Variants in F13A1 observed in about 807,000 individuals in gnomAD.
The protein encoded by F13A1 is FSF, A subunit.
A neutral mutation model predicts 80.1 loss-of-function variants in F13A1; 47 were observed. The ratio of observed to expected loss-of-function variants is 0.59; its 90% CI spans 0.46 to 0.75. The LOEUF is 0.75. F13A1 is among the 30% of genes least tolerant of loss of function. F13A1 has a pLI of 0.00. For missense variants in F13A1, 817 were observed against 930.4 expected, an observed-to-expected ratio of 0.88 and a Z score of 1.59; for synonymous variants, 349 against 344.9, an observed-to-expected ratio of 1.01 and a Z score of -0.13.
chr6:6,190,157 C>G (rs1232719523), intron 10 of F13A1, among the ~76,000 whole-genome samples: 1 of 151,850 alleles, frequency 6.6e-6, no homozygotes, highest in African/African-American at 2.4e-5. Context: ...AACTTCTTTG[C>G]CTTTGGTTTG....
At chr6:6,263,258 C>T (rs1264684703) in intron 4 of F13A1, among the ~76,000 whole-genome samples, 8 of 152,210 alleles carry the variant, frequency 5.3e-5, no homozygotes, top group Admixed American at 3.9e-4. Context: ...CAGCCCATGA[C>T]CATCTCCCTG....
intron 3 of F13A1, among the ~76,000 whole-genome samples, chr6:6,267,311 T>A (rs1446369675): frequency 6.6e-6 from 1 of 152,200 alleles, no homozygotes; most frequent in Non-Finnish European, 1.5e-5. Context: ...TCACATATAC[T>A]TGTAAATCCA....
Position 6,162,527 on chromosome 6 carries a change from GT to G in F13A1, c.1908+4930del, listed in dbSNP as rs1317099945. 1.6e-4 allele frequency among the ~76,000 whole-genome samples: 25 copies of G among 152,138 alleles called. No homozygotes were observed. Among genetic ancestry groups the G allele is most frequent in the African/African-American group, 5.8e-4 (24 of 41,412 alleles). The stretch of plus-strand genomic sequence containing the variant: ...ATGACCACCTCTGCTTTTTGTGATA[GT>G]TCCATTGTAGCCCAGCGGCTGCCAG... On this transcript the variant is annotated intron_variant, in intron 13 of 14. Transcript: ENST00000264870. This position sits in a 1 kb window ranked among gnomAD's most constrained non-coding sequence, Gnocchi z 4.2.
At chr6:6,228,731 CAAAA>C (rs35068752) in intron 6 of F13A1, among the ~76,000 whole-genome samples, 1 of 72,682 alleles carries the variant, frequency 1.4e-5, no homozygotes, top group Admixed American at 1.7e-4. Flanking sequence ...GATCCTGTCT[CAAAA>C]AAAAAAAAAA....
chr6:6,165,598 C>CTCATA (rs1353166082), intron 13 of F13A1, among the ~76,000 whole-genome samples: 6 of 152,104 alleles, frequency 3.9e-5, no homozygotes, highest in Non-Finnish European at 8.8e-5. Flanking sequence ...GAAACCTGCG[C>CTCATA]AATAGCCCAG....
rs1034158148 is a variant in F13A1 at position 6,243,010 on chromosome 6, A to G, written c.798+5302T>C. Among the ~76,000 whole-genome samples, 2 of 152,158 alleles carry G rather than the reference A, an allele frequency of 1.3e-5. No individual in the cohort carries two copies. Among genetic ancestry groups the G allele is most frequent in the African/African-American group, 4.8e-5 (2 of 41,424 alleles). ...GTAAGCTTTGTGAAGGCAGAAACTT[A>G]ATTTTGTTCACAATTGTACTCCAGT... On this transcript the variant is annotated intron_variant, in intron 6 of 14. Coordinates refer to ENST00000264870, the MANE Select transcript of F13A1 (RefSeq NM_000129.4). The surrounding 1 kb of genome is among the most constrained non-coding windows in gnomAD (Gnocchi z 4.2).
rs144915238 is a variant in F13A1, at chr6:6,259,117, G to A, written c.571+7441C>T. On this transcript the variant is annotated intron_variant, in intron 4 of 14. Transcript: ENST00000264870. ...TTCTGAATGAATACATAATACTGTCGTACTGTGCACAGGTCATTGTGTTGT... is the reference window on the plus strand; with the variant it reads ...TTCTGAATGAATACATAATACTGTCATACTGTGCACAGGTCATTGTGTTGT... 3.9e-5 allele frequency among the ~76,000 whole-genome samples: 6 copies of A among 152,212 alleles called. No individual in the cohort carries two copies. The East Asian group carries it at 5.8e-4, about 15-fold the overall frequency.
At chr6:6,240,721 T>A (rs3851509) in intron 6 of F13A1, among the ~76,000 whole-genome samples, 3,709 of 152,296 alleles carry the variant, frequency 0.024, 153 homozygotes, top group African/African-American at 0.084. Flanking sequence ...GTCAATTTTT[T>A]AAAAATCTTC....
chr6:6,284,334 G>A (rs937061404), intron 3 of F13A1, among the ~76,000 whole-genome samples: 1 of 152,186 alleles, frequency 6.6e-6, no homozygotes, highest in African/African-American at 2.4e-5. Context: ...AATGGAGAGA[G>A]TGTGTCATTT....
intron 8 of F13A1, among the ~76,000 whole-genome samples, chr6:6,201,351 G>C (rs970620747): frequency 6.6e-6 from 1 of 152,178 alleles, no homozygotes; most frequent in African/African-American, 2.4e-5. Flanking sequence ...TGTATTTAGG[G>C]TGGGAGTTTC....
intron 8 of F13A1, among the ~76,000 whole-genome samples, chr6:6,211,004 T>A (rs1171386791): frequency 6.6e-6 from 1 of 152,210 alleles, no homozygotes; most frequent in East Asian, 1.9e-4. Flanking sequence ...GTGCTGGGAT[T>A]ATAGGTGTGA....
rs1456300836 is a variant in F13A1, at chr6:6,145,417, T to C, written c.*202A>G. ...AGCACTCTTTGGAAGGTGGAGAGATTAAAAACTAACTTCCTTGCCGAATAG... is the reference window on the plus strand; with the variant it reads ...AGCACTCTTTGGAAGGTGGAGAGATCAAAAACTAACTTCCTTGCCGAATAG... On this transcript the variant is annotated 3_prime_UTR_variant, in exon 15 of 15. Transcript: ENST00000264870. The C allele has an allele frequency of 7.6e-6, 5 of 656,348 alleles. No homozygotes were observed. In the Admixed American group the frequency reaches 1.2e-4, roughly 15 times the overall value. The allele number at this position is 656,348 out of a possible 1,614,324, so 40.7% of individuals were successfully genotyped here. A position where few individuals can be genotyped will look rare whatever the true frequency, so the allele number is the denominator to read the frequency against.
intron 3 of F13A1, among the ~76,000 whole-genome samples, chr6:6,300,572 A>G (rs1419612468): frequency 6.6e-6 from 1 of 152,084 alleles, no homozygotes; most frequent in Non-Finnish European, 1.5e-5. Context: ...GCACTTCCTG[A>G]GTGAGGCAAT....
At chr6:6,276,605 A>G (rs938499326) in intron 3 of F13A1, among the ~76,000 whole-genome samples, 1 of 152,202 alleles carries the variant, frequency 6.6e-6, no homozygotes, top group Non-Finnish European at 1.5e-5. Flanking sequence ...TAACTTAAGT[A>G]ACTAGCTCTA....
At chr6:6,308,603 ATTC>A (rs1161335318) in intron 2 of F13A1, among the ~76,000 whole-genome samples, 4 of 116,414 alleles carry the variant, frequency 3.4e-5, no homozygotes, top group Admixed American at 1.8e-4. Flanking sequence ...CTTAAAACAC[ATTC>A]TTTTTTTTTT....
rs375805241 is a variant in F13A1, at chr6:6,286,342, C to T, written c.319+19009G>A. ...TGGAGGTTGCAGTAAGCTGAGATCG[C>T]GCCACTTCTCTCCAGCCTGGGTGAC... On this transcript the variant is annotated intron_variant, in intron 3 of 14. Coordinates refer to ENST00000264870, the MANE Select transcript of F13A1 (RefSeq NM_000129.4). Among the ~76,000 whole-genome samples the T allele has an allele frequency of 1.6e-4, 24 of 152,246 alleles. No individual in the cohort carries two copies. The East Asian group carries it at 1.9e-3, about 12-fold the overall frequency.
intron 2 of F13A1, among the ~76,000 whole-genome samples, chr6:6,312,386 TG>T (rs1181455719): frequency 6.6e-6 from 1 of 150,824 alleles, no homozygotes; most frequent in Non-Finnish European, 1.5e-5. Context: ...AAGTGCGTCT[TG>T]GGGGCCGGGC....
At position 6,162,745 on chromosome 6, in the gene F13A1, T is replaced by G. The variant is rs1352611028; in HGVS notation, c.1908+4713A>C. On this transcript the variant is annotated intron_variant, in intron 13 of 14. Coordinates refer to ENST00000264870, the MANE Select transcript of F13A1 (RefSeq NM_000129.4). This position sits in a 1 kb window ranked among gnomAD's most constrained non-coding sequence, Gnocchi z 4.2. ...ACTCACAAGGACCCCAGGAGGAGAG[T>G]TACCATTGCTTTTGACTTACAGATG... 6.6e-6 allele frequency among the ~76,000 whole-genome samples: 1 copy of G among 151,838 alleles called. No individual in the cohort carries two copies. Among genetic ancestry groups the G allele is most frequent in the Non-Finnish European group, 1.5e-5 (1 of 67,966 alleles).
chr6:6,201,812 G>A (rs1761399781), intron 8 of F13A1, among the ~76,000 whole-genome samples: 1 of 152,080 alleles, frequency 6.6e-6, no homozygotes. Context: ...TTAAAGTGCT[G>A]GGATTACAGG....
Sources: gnomAD v4.1 joint callset for allele counts (sites outside exome capture counted in the v4.1 genomes callset) on GRCh38, gnomAD v4.1.1 for gene constraint, Gnocchi (gnomAD v3.1) non-coding constraint, MANE v1.5 for transcripts, NCBI Gene and HGNC (gene_info 2026-07-23, HGNC 2026-07-21) for gene names.